The following PPM1E variants were observed in gnomAD, a reference collection of about 807,000 sequenced individuals.
PPM1E encodes protein phosphatase, Mg2+/Mn2+ dependent 1E.
In PPM1E, 20 loss-of-function variants were observed where a neutral mutation model predicts 65.9. The ratio of observed to expected loss-of-function variants is 0.30; its 90% confidence interval spans 0.21 to 0.44. The LOEUF is 0.44. Ranked by LOEUF, PPM1E falls within the 20% of genes least tolerant of loss-of-function variation. The pLI, the probability that PPM1E is intolerant of heterozygous loss-of-function variation, is 1.00. For synonymous variants in PPM1E, 352 were observed against 374.9 expected (o/e 0.94, Z 0.70); for missense variants, 713 against 953.1 (o/e 0.75, Z 3.32).
At chr17:58,818,337 A>G (rs1270258627) in intron 1 of PPM1E, among the ~76,000 whole-genome samples, 13 of 152,220 alleles carry the variant, frequency 8.5e-5, no homozygotes, top group Non-Finnish European at 2.9e-5. Flanking sequence ...TCACACAAGT[A>G]ACAAGTAGTA....
chr17:58,827,891 G>A (rs1294416958), intron 1 of PPM1E, among the ~76,000 whole-genome samples: 1 of 115,068 alleles, frequency 8.7e-6, no homozygotes, highest in Admixed American at 9.4e-5. Context: ...GACAGAGCGA[G>A]ACTCCATCTC....
At chr17:58,947,122 T>C (rs1447028025) in intron 1 of PPM1E, among the ~76,000 whole-genome samples, 1 of 144,042 alleles carries the variant, frequency 6.9e-6, no homozygotes, top group African/African-American at 2.6e-5. Flanking sequence ...TTTTTTTTTT[T>C]TTTTTTTTTT....
At chr17:58,822,027 G>T (rs1479789947) in intron 1 of PPM1E, among the ~76,000 whole-genome samples, 3 of 152,202 alleles carry the variant, frequency 2.0e-5, no homozygotes, top group African/African-American at 4.8e-5. Flanking sequence ...AGCATAAGTT[G>T]TTGATGAACA....
intron 1 of PPM1E, among the ~76,000 whole-genome samples, chr17:58,813,302 A>T (rs1390006): frequency 6.6e-6 from 1 of 151,948 alleles, no homozygotes; most frequent in Non-Finnish European, 1.5e-5. Context: ...CCTCTTTCTT[A>T]TGAAAACCTC....
At chr17:58,960,713 C>T (rs2030003727) in intron 2 of PPM1E, among the ~76,000 whole-genome samples, 1 of 148,896 alleles carries the variant, frequency 6.7e-6, no homozygotes, top group Non-Finnish European at 1.5e-5. Flanking sequence ...TTCCAGTGAG[C>T]TGAGATCACG....
At chr17:58,910,050 C>T (rs2051608397) in intron 1 of PPM1E, among the ~76,000 whole-genome samples, 1 of 150,664 alleles carries the variant, frequency 6.6e-6, no homozygotes, top group African/African-American at 2.4e-5. Flanking sequence ...TTATAGGTGC[C>T]CGCCACCACA....
chr17:58,803,661 C>T (rs1238009920), intron 1 of PPM1E, among the ~76,000 whole-genome samples: 1 of 152,168 alleles, frequency 6.6e-6, no homozygotes, highest in Non-Finnish European at 1.5e-5. Flanking sequence ...TGTCTCCAGC[C>T]AGATGTCCCC....
chr17:58,863,195 T>C (rs1381365362), intron 1 of PPM1E, among the ~76,000 whole-genome samples: 1 of 152,218 alleles, frequency 6.6e-6, no homozygotes, highest in Non-Finnish European at 1.5e-5. Context: ...CTGGGCATGG[T>C]GGCTCACGCC....
intron 1 of PPM1E, among the ~76,000 whole-genome samples, chr17:58,866,935 A>G (rs1308398286): frequency 6.6e-6 from 1 of 152,246 alleles, no homozygotes; most frequent in East Asian, 1.9e-4. Flanking sequence ...GAACAGAAGT[A>G]GAAGGAAATG....
Position 58,980,294 on chromosome 17 carries a change from G to C in PPM1E, c.1531G>C (p.Gly511Arg), listed in dbSNP as rs1316625031. ...TTGGACAGAGAACTCTTTTCAAGGA[G>C]GGCAAGAAGATGGTGGGGATGATAA... ...SDWTENSFQG[G>R]QEDGGDDKEN... Residue 511 changes from glycine to arginine, a missense_variant, in exon 7 of 7, where the codon GGG becomes CGG. By Grantham distance (125) the Gly-to-Arg change is moderately radical. Transcript: ENST00000308249. The surrounding 1 kb of genome is among the most constrained non-coding windows in gnomAD (Gnocchi z 4.7). 2 of 1,614,168 alleles carry C rather than the reference G, an allele frequency of 1.2e-6. No homozygotes were observed. Among genetic ancestry groups the C allele is most frequent in the South Asian group, 1.1e-5 (1 of 91,090 alleles).
At chr17:58,765,367 G>C (rs1399513286) in intron 1 of PPM1E, among the ~76,000 whole-genome samples, 1 of 151,740 alleles carries the variant, frequency 6.6e-6, no homozygotes, top group Non-Finnish European at 1.5e-5. Flanking sequence ...TAGTAGAGAC[G>C]TAGTTTCACC....
chr17:58,756,567 C>A, intron 1 of PPM1E, 106 bp downstream of exon 1: 2 of 1,195,544 alleles, frequency 1.7e-6, no homozygotes, highest in Non-Finnish European at 2.1e-6. Flanking sequence ...TGCTCCTCTC[C>A]CCCGCACCCG....
At chr17:58,930,502 C>A (rs926920785) in intron 1 of PPM1E, among the ~76,000 whole-genome samples, 1 of 151,948 alleles carries the variant, frequency 6.6e-6, no homozygotes, top group Non-Finnish European at 1.5e-5. Context: ...AAAAACAGAT[C>A]TGATGAAAGT....
chr17:58,769,571 G>A (rs371359762), intron 1 of PPM1E, among the ~76,000 whole-genome samples: 265 of 152,198 alleles, frequency 1.7e-3, no homozygotes, highest in South Asian at 6.4e-3. Context: ...AATCAAGATC[G>A]CACCACTGCA....
chr17:58,890,820 T>A (rs4398153), intron 1 of PPM1E, among the ~76,000 whole-genome samples: 3 of 151,914 alleles, frequency 2.0e-5, no homozygotes, highest in African/African-American at 7.3e-5. Flanking sequence ...CCTGTGTACA[T>A]GCCTTGTATA....
intron 1 of PPM1E, among the ~76,000 whole-genome samples, chr17:58,940,031 CATTTATA>C (rs1360065832): frequency 6.6e-6 from 1 of 152,156 alleles, no homozygotes; most frequent in Non-Finnish European, 1.5e-5. Context: ...AACACAATGA[CATTTATA>C]AACCTAGTAC....
At position 58,775,782 on chromosome 17, in the gene PPM1E, C is replaced by T. The variant is rs892023215; in HGVS notation, c.464+19321C>T. 7.3e-5 allele frequency among the ~76,000 whole-genome samples: 11 copies of T among 150,056 alleles called. No homozygotes were observed. In the East Asian group the frequency reaches 1.8e-3, roughly 24 times the overall value. On this transcript the variant is annotated intron_variant, in intron 1 of 6. Transcript: ENST00000308249. ...ACAAAAAATTAGCCGGGCGCGGTGG[C>T]GGGCGCCTGTAGTCCCAGCTACTCG...
chr17:58,805,974 C>CA lies in PPM1E; in HGVS notation c.464+49523dup, dbSNP rs1341289870. Among the ~76,000 whole-genome samples, 98 of 74,026 alleles carry CA rather than the reference C, an allele frequency of 1.3e-3. 4 individuals are homozygous for CA. Among genetic ancestry groups the CA allele is most frequent in the East Asian group, 1.7e-3 (4 of 2,308 alleles). The allele number at this position is 74,026 out of a possible 152,430, so 48.6% of individuals were successfully genotyped here. On this transcript the variant is annotated intron_variant, in intron 1 of 6. Transcript: ENST00000308249. ...TAAAAAAAAAAACAAAAAAAAAAAA[C>CA]AAAAAAAAAACAAAACAAAACAAAA... is the stretch of plus-strand genomic sequence containing the variant.
chr17:58,897,151 A>C (rs2051429551), intron 1 of PPM1E, among the ~76,000 whole-genome samples: 1 of 152,150 alleles, frequency 6.6e-6, no homozygotes, highest in South Asian at 2.1e-4. Flanking sequence ...GCGGTGGCTC[A>C]CGCCTGTAAT....
Sources: allele counts gnomAD v4.1 joint callset (sites outside exome capture counted in the v4.1 genomes callset), GRCh38; gene constraint gnomAD v4.1.1; non-coding constraint Gnocchi (gnomAD v3.1); transcripts MANE v1.5; gene names NCBI Gene and HGNC (gene_info 2026-07-23, HGNC 2026-07-21).